The following PROM1 variants were observed in gnomAD, a reference collection of about 807,000 sequenced individuals.
PROM1 encodes prominin-1.
A neutral mutation model predicts 116.9 loss-of-function variants in PROM1; 105 were observed. The ratio of observed to expected loss-of-function variants is 0.90; its 90% confidence interval spans 0.77 to 1.06. PROM1 has a LOEUF of 1.06. Among genes scored for constraint, PROM1 ranks in the 50% least tolerant of loss-of-function variants. The probability of loss-of-function intolerance (pLI) is 0.00; values close to 1 mark genes in which losing one functional copy is unlikely to be tolerated. For missense variants in PROM1, 1,122 were observed against 1,045.2 expected, an observed-to-expected ratio of 1.07 and a Z score of -1.01; for synonymous variants, 393 against 387.0, an observed-to-expected ratio of 1.02 and a Z score of -0.18.
Position 16,033,465 on chromosome 4 carries a change from C to T in PROM1, c.348G>A (p.Gly116=), listed in dbSNP as rs371737102. The change falls in exon 5 of 28, where the codon GGG becomes GGA. Residue 116 remains glycine (G), a synonymous_variant. Transcript: ENST00000447510. ...GAGGCATCAGAATAATAAACAGCAGCCCCAGGACACAGCATAGAATAATCC... is the reference window on the plus strand; with the variant it reads ...GAGGCATCAGAATAATAAACAGCAGTCCCAGGACACAGCATAGAATAATCC... ...EAGIILCCVL[G]LLFIILMPLV... is the part of the protein sequence containing the mutation. 7 of 1,612,436 alleles carry T rather than the reference C, an allele frequency of 4.3e-6. No individual in the cohort carries two copies. Among genetic ancestry groups the T allele is most frequent in the African/African-American group, 1.3e-5 (1 of 74,976 alleles).
rs7663999 is a variant in PROM1, at chr4:16,025,360, T to C, written c.510-48A>G. On this transcript the variant is annotated intron_variant, in intron 5 of 27. Transcript: ENST00000447510. ...GAAAGAGCATTTACTGTGTGGTCCA[T>C]GGTTCTTTGTCCAGGTCCAGGCAGC... The C allele has an allele frequency of 0.062, 99,438 of 1,605,544 alleles. 3,833 individuals are homozygous for C. The highest frequency in any genetic ancestry group is 0.16 in the African/African-American group (12,100 of 74,754).
At chr4:15,987,753 ATGAAGCAG>A in intron 19 of PROM1, 37 bp from the exon 20 acceptor site, 1 of 1,558,260 alleles carries the variant, frequency 6.4e-7, no homozygotes, top group Non-Finnish European at 8.8e-7. Context: ...AAATTATTAC[ATGAAGCAG>A]CAAGATCACA....
At chr4:16,045,164 C>G (rs1736248246) in intron 2 of PROM1, among the ~76,000 whole-genome samples, 1 of 152,130 alleles carries the variant, frequency 6.6e-6, no homozygotes, top group African/African-American at 2.4e-5. Context: ...TCCTCCTTGA[C>G]CCACAGCCCG....
At chr4:16,053,110 T>C (rs760426565) in intron 2 of PROM1, among the ~76,000 whole-genome samples, 3 of 152,246 alleles carry the variant, frequency 2.0e-5, no homozygotes, top group Non-Finnish European at 4.4e-5. Context: ...ATGTCATATT[T>C]GCATGTGGTT....
intron 1 of PROM1, among the ~76,000 whole-genome samples, chr4:16,076,913 A>G (rs1744067752): frequency 1.3e-5 from 2 of 152,286 alleles, no homozygotes; most frequent in East Asian, 1.9e-4. Flanking sequence ...AGTCATCACC[A>G]CTCCCTAATC....
chr4:16,025,740 CT>C (rs1731110689), intron 5 of PROM1, among the ~76,000 whole-genome samples: 4 of 150,648 alleles, frequency 2.7e-5, no homozygotes, highest in Non-Finnish European at 4.4e-5. Flanking sequence ...CACACACACA[CT>C]TCTGCTCCCT....
chr4:16,001,829 C>T (rs1723938558), intron 13 of PROM1, among the ~76,000 whole-genome samples: 1 of 151,962 alleles, frequency 6.6e-6, no homozygotes, highest in Non-Finnish European at 1.5e-5. Flanking sequence ...AGAGTTTCTG[C>T]TTTTATTTCT....
intron 26 of PROM1, among the ~76,000 whole-genome samples, chr4:15,978,253 TCA>T (rs1716753107): frequency 1.3e-5 from 2 of 152,252 alleles, no homozygotes; most frequent in African/African-American, 2.4e-5. Context: ...TGGAATGCAC[TCA>T]GTTAACTTCT....
At chr4:16,060,310 C>CTTTTTTTTTTTTTTTTTTTTTT (rs5856330) in intron 2 of PROM1, among the ~76,000 whole-genome samples, 1 of 146,730 alleles carries the variant, frequency 6.8e-6, no homozygotes. Context: ...CAAATAATTC[C>CTTTTTTTTTTTTTTTTTTTTTT]TTTTTTTTTT....
chr4:15,999,597 A>T (rs192984201), intron 14 of PROM1, among the ~76,000 whole-genome samples: 3 of 152,282 alleles, frequency 2.0e-5, no homozygotes, highest in African/African-American at 7.2e-5. Flanking sequence ...ACTTAAGAAA[A>T]ATTATCTTTG....
Position 16,015,665 on chromosome 4 carries a change from G to C in PROM1, c.1077+501C>G, listed in dbSNP as rs561810966. ...AGATCGTACCACTGTACTCCATCCT[G>C]GGTGACAGAGGGGGATTCCACCTCA... On this transcript the variant is annotated intron_variant, in intron 10 of 27. Transcript: ENST00000447510. 6.6e-4 allele frequency among the ~76,000 whole-genome samples: 100 copies of C among 152,072 alleles called. 2 individuals carry two copies. In the Middle Eastern group the frequency reaches 0.01, roughly 16 times the overall value.
intron 5 of PROM1, among the ~76,000 whole-genome samples, chr4:16,032,200 G>T (rs556195384): frequency 6.6e-6 from 1 of 150,634 alleles, no homozygotes; most frequent in African/African-American, 2.5e-5. Flanking sequence ...TCTGCAACCT[G>T]CTTTTTCACT....
chr4:16,039,869 G>A (rs1040418698), intron 2 of PROM1, among the ~76,000 whole-genome samples: 1 of 151,926 alleles, frequency 6.6e-6, no homozygotes, highest in African/African-American at 2.4e-5. Context: ...ACATAGGCCT[G>A]GGACCAAAAA....
At chr4:16,012,788 G>A (rs1052297265) in intron 11 of PROM1, among the ~76,000 whole-genome samples, 3 of 148,888 alleles carry the variant, frequency 2.0e-5, no homozygotes, top group South Asian at 2.2e-4. Context: ...GGAGAATGGC[G>A]TGAACCCGGG....
chr4:16,055,624 T>G (rs1289578993), intron 2 of PROM1, among the ~76,000 whole-genome samples: 1 of 152,200 alleles, frequency 6.6e-6, no homozygotes, highest in Non-Finnish European at 1.5e-5. Context: ...ACTAAGACTC[T>G]GCTACATAGC....
intron 15 of PROM1, 136 bp downstream of exon 15, chr4:15,998,249 T>C: frequency 7.6e-7 from 1 of 1,316,456 alleles, no homozygotes; most frequent in African/African-American, 1.5e-5. Context: ...ACTGTGTCTT[T>C]AAAATAATAC....
At chr4:16,043,757 C>T (rs563539126) in intron 2 of PROM1, among the ~76,000 whole-genome samples, 3 of 152,312 alleles carry the variant, frequency 2.0e-5, no homozygotes, top group South Asian at 2.1e-4. Flanking sequence ...TGCCCCATGA[C>T]GCTGTCTGGG....
rs141650708 is a variant in PROM1 at position 16,079,023 on chromosome 4, G to A, written c.-212-2905C>T. On this transcript the variant is annotated intron_variant, in intron 1 of 27. Transcript: ENST00000447510. ...CCACAATAGACACCTTGACCCTGGT[G>A]TTTCCAAAGGGCTCCCTTCAAACAT... 2.3e-3 allele frequency among the ~76,000 whole-genome samples: 355 copies of A among 152,150 alleles called. 4 individuals carry two copies. The East Asian group carries it at 0.038, about 16-fold the overall frequency.
chr4:16,000,696 A>G (rs1311761135), intron 13 of PROM1, 77 bp from the exon 14 acceptor site: 4 of 1,253,710 alleles, frequency 3.2e-6, no homozygotes, highest in Non-Finnish European at 4.3e-6. Flanking sequence ...AAATCTACCT[A>G]TACTCTATAA....
Sources: allele counts gnomAD v4.1 joint callset (sites outside exome capture counted in the v4.1 genomes callset), GRCh38; gene constraint gnomAD v4.1.1; transcripts MANE v1.5; gene names NCBI Gene and HGNC (gene_info 2026-07-23, HGNC 2026-07-21).